The following DPP6 variants were observed in gnomAD, a reference collection of about 807,000 sequenced individuals.
DPP6 encodes dipeptidyl peptidase like 6.
In DPP6, 69 loss-of-function variants were observed where a neutral mutation model predicts 122.6. That is an observed-to-expected ratio of 0.56 (90% CI 0.46 to 0.69). The LOEUF (loss-of-function observed/expected upper bound fraction) is 0.69. Among genes scored for constraint, DPP6 ranks in the 30% least tolerant of loss-of-function variants. The pLI, the probability that DPP6 is intolerant of heterozygous loss-of-function variation, is 0.00. For missense variants in DPP6, 928 were observed against 1,116.9 expected (o/e 0.83, Z 2.41); for synonymous variants, 418 against 433.1 (o/e 0.97, Z 0.43).
chr7:154,191,465 G>A (rs903207533), intron 1 of DPP6, among the ~76,000 whole-genome samples: 9 of 152,132 alleles, frequency 5.9e-5, no homozygotes, highest in South Asian at 4.1e-4. Context: ...TGCAATGTGC[G>A]CACACAAGGC....
chr7:153,948,747 A>G (rs1802066087), intron 1 of DPP6, among the ~76,000 whole-genome samples: 2 of 149,560 alleles, frequency 1.3e-5, no homozygotes, highest in Admixed American at 6.7e-5. Flanking sequence ...CTTCCCTTCA[A>G]AACACCCTCC....
chr7:154,702,909 C>A (rs1361765205), intron 7 of DPP6, among the ~76,000 whole-genome samples: 1 of 152,158 alleles, frequency 6.6e-6, no homozygotes, highest in African/African-American at 2.4e-5. Flanking sequence ...AAATTCAATG[C>A]CTGGCTTTAA....
At chr7:153,947,847 T>C (rs1396869615) in intron 1 of DPP6, among the ~76,000 whole-genome samples, 1 of 152,124 alleles carries the variant, frequency 6.6e-6, no homozygotes, top group Non-Finnish European at 1.5e-5. Flanking sequence ...AGGACCTCCT[T>C]CTGGGGAGGC....
At chr7:154,554,264 G>A (rs981998267) in intron 4 of DPP6, among the ~76,000 whole-genome samples, 2 of 152,108 alleles carry the variant, frequency 1.3e-5, no homozygotes, top group African/African-American at 2.4e-5. Flanking sequence ...AATTTGATGT[G>A]TGCACCCACA....
intron 1 of DPP6, among the ~76,000 whole-genome samples, chr7:154,215,276 A>G (rs1029538723): frequency 1.8e-4 from 28 of 152,288 alleles, no homozygotes; most frequent in African/African-American, 6.3e-4. Context: ...AGAACTTTCT[A>G]TCATGAGAAC....
intron 1 of DPP6, among the ~76,000 whole-genome samples, chr7:154,445,147 A>G (rs1183027816): frequency 6.6e-6 from 1 of 152,162 alleles, no homozygotes; most frequent in East Asian, 1.9e-4. Context: ...ATATTTATGT[A>G]TTGCATTGTC....
chr7:154,158,540 T>C (rs1427894202), intron 1 of DPP6, among the ~76,000 whole-genome samples: 2 of 151,850 alleles, frequency 1.3e-5, no homozygotes, highest in African/African-American at 4.9e-5. Context: ...AAGAAACAGA[T>C]TTTGTTCTTT....
the DPP6 span, among the ~76,000 whole-genome samples, chr7:153,799,098 T>C: frequency 6.6e-6 from 1 of 152,216 alleles, no homozygotes; most frequent in Admixed American, 6.5e-5. Context: ...GGACTGGTAC[T>C]GGGGGTCAAG....
chr7:154,351,161 G>A (rs1270248493), intron 1 of DPP6, among the ~76,000 whole-genome samples: 1 of 152,218 alleles, frequency 6.6e-6, no homozygotes, highest in Admixed American at 6.5e-5. Context: ...ATGCGTCACT[G>A]TGCTTCTACT....
At position 153,928,396 on chromosome 7, in the gene DPP6, A is replaced by ATTTTTTTTTTTTTTTTTT. The variant is rs71182854; in HGVS notation, c.51+40670_51+40687dup. Among the ~76,000 whole-genome samples, 87 of 43,694 alleles carry ATTTTTTTTTTTTTTTTTT rather than the reference A, an allele frequency of 2.0e-3. 17 individuals carry two copies. The highest frequency in any genetic ancestry group is 2.6e-3 in the Non-Finnish European group (59 of 22,866). 28.7% of individuals were successfully genotyped at this position (43,694 alleles called of 152,430 possible). A position where few individuals can be genotyped will look rare whatever the true frequency, so the allele number is the denominator to read the frequency against. On this transcript the variant is annotated intron_variant, in intron 1 of 25. Coordinates refer to the DPP6 transcript ENST00000404039. ...CTGGCTAATTTTTTTCTTTTCTTTC[A>ATTTTTTTTTTTTTTTTTT]TTTTTTTTTTTTTTTTTTTTTTTTT...
chr7:154,808,208 A>G (rs10264427), intron 16 of DPP6, among the ~76,000 whole-genome samples: 123,473 of 152,144 alleles, frequency 0.81, 50,190 homozygotes, highest in Non-Finnish European at 0.84. Context: ...TTATCAGAGC[A>G]ATGTCTTTGC....
chr7:154,565,814 T>C (rs1339550315), intron 4 of DPP6, among the ~76,000 whole-genome samples: 2 of 152,194 alleles, frequency 1.3e-5, no homozygotes, highest in Non-Finnish European at 2.9e-5. Flanking sequence ...CGTGAGCCAC[T>C]GCGCCCAGCC....
rs544796520 is a variant in DPP6 at position 154,268,404 on chromosome 7, C to T, written c.244-177810C>T. ...TTCAGCATCTGGTGAGGGCCCGTTC[C>T]TCATTGACAGTCATCTTGCTGTATT... is the stretch of plus-strand genomic sequence containing the variant. On this transcript the variant is annotated intron_variant, in intron 1 of 25. Transcript: ENST00000377770. Among the ~76,000 whole-genome samples, 134 of 152,308 alleles carry T rather than the reference C, an allele frequency of 8.8e-4. 1 individual carries two copies. The highest frequency in any genetic ancestry group is 3.1e-3 in the African/African-American group (127 of 41,562).
chr7:154,083,288 C>G (rs554876492), intron 1 of DPP6, among the ~76,000 whole-genome samples: 1 of 151,998 alleles, frequency 6.6e-6, no homozygotes. Context: ...CTTGCAGAAG[C>G]CCATGGAAGC....
chr7:154,344,343 T>A (rs1404288560), intron 1 of DPP6, among the ~76,000 whole-genome samples: 1 of 152,154 alleles, frequency 6.6e-6, no homozygotes, highest in Admixed American at 6.5e-5. Flanking sequence ...ATCAGAGAAA[T>A]GCAAATCAAA....
At chr7:154,812,783 C>T (rs978581831) in intron 16 of DPP6, among the ~76,000 whole-genome samples, 3 of 152,100 alleles carry the variant, frequency 2.0e-5, no homozygotes, top group African/African-American at 7.2e-5. Context: ...ATTTCTATTT[C>T]GTTAGTCCTT....
chr7:154,883,287 T>TAC (rs774640612), intron 21 of DPP6, among the ~76,000 whole-genome samples: 1 of 138,574 alleles, frequency 7.2e-6, no homozygotes, highest in East Asian at 2.2e-4. Flanking sequence ...TGCTCACACA[T>TAC]ACACACACAT....
At chr7:154,562,421 C>A (rs1032123135) in intron 4 of DPP6, among the ~76,000 whole-genome samples, 1 of 151,930 alleles carries the variant, frequency 6.6e-6, no homozygotes, top group African/African-American at 2.4e-5. Flanking sequence ...AAACTCTGAG[C>A]AAACTAGAAA....
intron 1 of DPP6, among the ~76,000 whole-genome samples, chr7:154,373,074 C>T (rs1169118536): frequency 1.3e-5 from 2 of 152,218 alleles, no homozygotes; most frequent in African/African-American, 2.4e-5. Context: ...TCCGCTTCCT[C>T]TCTCGTTTTC....
Sources: allele counts gnomAD v4.1 joint callset (sites outside exome capture counted in the v4.1 genomes callset), GRCh38; gene constraint gnomAD v4.1.1; transcripts MANE v1.5; gene names NCBI Gene and HGNC (gene_info 2026-07-23, HGNC 2026-07-21).